The following CTDSP2 variants were observed in gnomAD, a reference collection of about 807,000 sequenced individuals.
CTDSP2 encodes the protein CTD small phosphatase 2.
Under a neutral mutation model 31.6 loss-of-function variants are expected in CTDSP2, and 9 were observed. The ratio of observed to expected loss-of-function variants is 0.28; its 90% CI spans 0.17 to 0.50. The LOEUF (loss-of-function observed/expected upper bound fraction) is 0.50, where lower values mean the gene tolerates loss of function less well. CTDSP2 is among the 20% of genes least tolerant of loss of function. The pLI is 0.98. For missense variants in CTDSP2, 267 were observed against 348.5 expected (o/e 0.77, Z 1.86); for synonymous variants, 134 against 134.5 (o/e 1.00, Z 0.03).
chr12:57,824,382 A>G, intron 5 of CTDSP2, 63 bp from the exon 6 acceptor site: 1 of 1,210,790 alleles, frequency 8.3e-7, no homozygotes, highest in Admixed American at 1.7e-5. Flanking sequence ...AGTACTGGGT[A>G]CCTTCACCAG....
chr12:57,834,106 C>T (rs900380303), intron 1 of CTDSP2, among the ~76,000 whole-genome samples: 3 of 152,294 alleles, frequency 2.0e-5, no homozygotes, highest in Middle Eastern at 3.4e-3. Flanking sequence ...GGGTCTCATA[C>T]ACATTTACTT....
At chr12:57,842,386 GTTTC>G (rs141627486) in intron 1 of CTDSP2, 23 of 152,262 alleles carry the variant, frequency 1.5e-4, no homozygotes, top group African/African-American at 5.3e-4. Context: ...CTGCTACCCA[GTTTC>G]TTTAAGACCT....
chr12:57,833,805 G>A (rs1170129580), intron 1 of CTDSP2, among the ~76,000 whole-genome samples: 1 of 152,226 alleles, frequency 6.6e-6, no homozygotes, highest in Non-Finnish European at 1.5e-5. Flanking sequence ...AGCACTGAGG[G>A]AGCTGGGCCC....
At chr12:57,831,846 T>C (rs1457524319) in intron 1 of CTDSP2, among the ~76,000 whole-genome samples, 1 of 152,176 alleles carries the variant, frequency 6.6e-6, no homozygotes, top group Non-Finnish European at 1.5e-5. Context: ...AGGGGCTACC[T>C]AGGAGCAACA....
chr12:57,820,794 T>A lies in CTDSP2; in HGVS notation c.*2808A>T, dbSNP rs1956140128. ...ACCTGACCCTTTTCCAAACTGGTCC[T>A]GTGTCCAAAGCTCCCCCTATGAGAG... On this transcript the variant is annotated 3_prime_UTR_variant, in exon 8 of 8. Transcript: ENST00000398073. 6.6e-6 allele frequency: 1 copy of A among 152,348 alleles called. No homozygotes were observed. The highest frequency in any genetic ancestry group is 6.5e-5 in the Admixed American group (1 of 15,282). 9.4% of individuals were successfully genotyped at this position (152,348 alleles called of 1,614,324 possible). A position where few individuals can be genotyped will look rare whatever the true frequency, so the allele number is the denominator to read the frequency against.
At chr12:57,826,514 C>T (rs905175098) in intron 4 of CTDSP2, 112 bp from the exon 5 acceptor site, 4 of 922,566 alleles carry the variant, frequency 4.3e-6, no homozygotes, top group Non-Finnish European at 6.9e-6. Flanking sequence ...CTGGAAGTGC[C>T]TCTGGCCACC....
Position 57,820,337 on chromosome 12 carries a change from C to A in CTDSP2, c.*3265G>T, listed in dbSNP as rs575314092. ...AAAGGAGAAAAAAGACAGAACTAAA[C>A]CCGTTTAGGAAAAAGGGACCGAGGG... On this transcript the variant is annotated 3_prime_UTR_variant, in exon 8 of 8. Coordinates refer to ENST00000398073, the MANE Select transcript of CTDSP2 (RefSeq NM_005730.4). 6.6e-6 allele frequency: 1 copy of A among 152,326 alleles called. No homozygotes were observed. The highest frequency in any genetic ancestry group is 1.9e-4 in the East Asian group (1 of 5,182). The allele number at this position is 152,326 out of a possible 1,614,324, so 9.4% of individuals were successfully genotyped here.
At position 57,826,992 on chromosome 12, in the gene CTDSP2, T is replaced by G. The variant is rs528781399; in HGVS notation, c.354+4A>C. The G allele has an allele frequency of 1.7e-4, 273 of 1,605,854 alleles. No homozygotes were observed. The South Asian group carries it at 2.1e-3, about 12-fold the overall frequency. On this transcript the variant is annotated splice_donor_region_variant and intron_variant, in intron 4 of 7. Transcript: ENST00000398073. Reference sequence around the variant, plus strand: ...GGTAGGAAGGGTTCCAGACATTGAGTTACCTTAAAGGAGCTATGCACAAGG... The same window carrying G: ...GGTAGGAAGGGTTCCAGACATTGAGGTACCTTAAAGGAGCTATGCACAAGG...
At chr12:57,831,131 G>A (rs1164540208) in intron 1 of CTDSP2, among the ~76,000 whole-genome samples, 2 of 148,980 alleles carry the variant, frequency 1.3e-5, no homozygotes, top group Non-Finnish European at 3.0e-5. Context: ...AAAATTATGA[G>A]CATTACAGGA....
intron 4 of CTDSP2, 82 bp from the exon 5 acceptor site, chr12:57,826,484 G>T: frequency 1.5e-6 from 2 of 1,373,734 alleles, no homozygotes; most frequent in Non-Finnish European, 2.1e-6. Flanking sequence ...TGGGTGGGGA[G>T]AAACAGGTCT....
chr12:57,833,476 CTCCA>C (rs1336318631), intron 1 of CTDSP2, among the ~76,000 whole-genome samples: 5 of 152,222 alleles, frequency 3.3e-5, no homozygotes, highest in African/African-American at 1.2e-4. Context: ...CCCTGCTTCC[CTCCA>C]TCCTTTTCCA....
At position 57,823,473 on chromosome 12, in the gene CTDSP2, C is replaced by T. The variant is rs74375245; in HGVS notation, c.*129G>A. 166 of 1,102,400 alleles carry T rather than the reference C, an allele frequency of 1.5e-4. No homozygotes were observed. The African/African-American group carries it at 2.3e-3, about 16-fold the overall frequency. The allele number at this position is 1,102,400 out of a possible 1,614,324, so 68.3% of individuals were successfully genotyped here. ...CATCTAAGCTGTCCTAAAGCTCTTT[C>T]CAGTTACTTCCCGCTGTTTCCGGGC... On this transcript the variant is annotated 3_prime_UTR_variant, in exon 8 of 8. Transcript: ENST00000398073.
intron 1 of CTDSP2, among the ~76,000 whole-genome samples, chr12:57,834,219 A>T (rs1460718394): frequency 6.6e-6 from 1 of 152,074 alleles, no homozygotes. Context: ...GCTGAAGTGC[A>T]GTGGTACAAT....
intron 1 of CTDSP2, among the ~76,000 whole-genome samples, chr12:57,845,277 G>A (rs1002046363): frequency 5.3e-5 from 8 of 152,220 alleles, no homozygotes; most frequent in Admixed American, 5.2e-4. Flanking sequence ...CTTACACCCC[G>A]CGGAAAATCT....
chr12:57,830,189 A>T lies in CTDSP2; in HGVS notation c.65-593T>A, dbSNP rs565958784. Among the ~76,000 whole-genome samples the T allele has an allele frequency of 1.9e-4, 29 of 152,216 alleles. No individual in the cohort carries two copies. In the East Asian group the frequency reaches 3.1e-3, roughly 16 times the overall value. On this transcript the variant is annotated intron_variant, in intron 1 of 7. Transcript: ENST00000398073. ...GCACGAGGTCAGAAGATTGAGACCA[A>T]TCTGGCTAACACGGTGAAACCCTGT...
chr12:57,836,304 GCT>G (rs1281872398), intron 1 of CTDSP2, among the ~76,000 whole-genome samples: 1 of 152,126 alleles, frequency 6.6e-6, no homozygotes, highest in African/African-American at 2.4e-5. Context: ...GACAAAAATC[GCT>G]GTCTCCCCTG....
In CTDSP2 at chr12:57,844,831, CCATCCCTTCT is replaced by C. The variant is rs1956304142; in HGVS notation, c.64+1531_64+1540del. 2.0e-5 allele frequency among the ~76,000 whole-genome samples: 3 copies of C among 151,924 alleles called. No homozygotes were observed. In the South Asian group the frequency reaches 6.3e-4, roughly 32 times the overall value. On this transcript the variant is annotated intron_variant, in intron 1 of 7. Coordinates refer to ENST00000398073, the MANE Select transcript of CTDSP2 (RefSeq NM_005730.4). ...GGGGTTGGGATCTGAGTAGGCAAGG[CCATCCCTTCT>C]CAGGGCAGGCTTATTTAAAGTCCGG...
chr12:57,822,528 A>C lies in CTDSP2; in HGVS notation c.*1074T>G, dbSNP rs376829272. 11 of 152,430 alleles carry C rather than the reference A, an allele frequency of 7.2e-5. No homozygotes were observed. The highest frequency in any genetic ancestry group is 2.6e-4 in the African/African-American group (11 of 41,568). 9.4% of individuals were successfully genotyped at this position (152,430 alleles called of 1,614,324 possible). ...CAGGACAGGCCCTGGGGGAAGACAC[A>C]ACAGGAAAAGAGCCCTGCCCAAGAA... On this transcript the variant is annotated 3_prime_UTR_variant, in exon 8 of 8. Transcript: ENST00000398073.
intron 1 of CTDSP2, among the ~76,000 whole-genome samples, chr12:57,833,647 G>C (rs966627426): frequency 1.3e-5 from 2 of 152,258 alleles, no homozygotes; most frequent in Non-Finnish European, 2.9e-5. Flanking sequence ...CAGGTGCTCA[G>C]TAACTTTGCC....
Sources: gnomAD v4.1 joint callset for allele counts (sites outside exome capture counted in the v4.1 genomes callset) on GRCh38, gnomAD v4.1.1 for gene constraint, MANE v1.5 for transcripts, NCBI Gene and HGNC (gene_info 2026-07-23, HGNC 2026-07-21) for gene names.